NLRC5: variants seen among roughly 807,000 people sequenced by gnomAD.
The protein encoded by NLRC5 is protein NLRC5.
A neutral mutation model predicts 206.9 loss-of-function variants in NLRC5; 114 were observed. The ratio of observed to expected loss-of-function variants is 0.55; its 90% CI spans 0.47 to 0.64. NLRC5 has a LOEUF of 0.64. NLRC5 is among the 30% of genes least tolerant of loss of function. The probability of loss-of-function intolerance (pLI) is 0.00; values close to 1 mark genes in which losing one functional copy is unlikely to be tolerated. For synonymous variants in NLRC5, 952 were observed against 962.8 expected (o/e 0.99, Z 0.21); for missense variants, 2,008 against 2,305.5 (o/e 0.87, Z 2.64).
intron 1 of NLRC5, among the ~76,000 whole-genome samples, chr16:57,010,531 G>A (rs1245210862): frequency 5.3e-5 from 8 of 151,986 alleles, no homozygotes; most frequent in East Asian, 1.9e-4. Flanking sequence ...ACACCACCAC[G>A]CCCAGCTAAT....
At chr16:57,054,948 G>C in intron 25 of NLRC5, 84 bp from the exon 26 acceptor site, 1 of 1,592,630 alleles carries the variant, frequency 6.3e-7, no homozygotes. Context: ...TAGAGGCTGG[G>C]CTTCCGGAGG....
intron 3 of NLRC5, 158 bp downstream of exon 3, chr16:57,021,165 A>C: frequency 1.5e-6 from 1 of 647,814 alleles, no homozygotes; most frequent in Non-Finnish European, 2.6e-6. Context: ...AAATTTCCTA[A>C]TGCGCCCAAA....
chr16:57,053,891 G>A (rs879558545), intron 24 of NLRC5, among the ~76,000 whole-genome samples: 3 of 152,176 alleles, frequency 2.0e-5, no homozygotes, highest in Non-Finnish European at 4.4e-5. Context: ...GGAGATACGA[G>A]TGGAAATGAG....
Position 57,079,603 on chromosome 16 carries a change from G to C in NLRC5, c.5295G>C (p.Thr1765=). ...QTAKLLTSSF[T]SCPALEVILL... is the part of the protein sequence containing the mutation. ...CCAAGCTCCTCACCTCCAGCTTCAC[G>C]AGCTGCCCTGCCCTGGAAGTAATCT... is the stretch of plus-strand genomic sequence containing the variant. The change falls in exon 46 of 49, where the codon ACG becomes ACC. Residue 1765 remains threonine (T), a synonymous_variant. Coordinates refer to ENST00000688547, the MANE Select transcript of NLRC5 (RefSeq NM_001384950.1). The C allele has an allele frequency of 6.2e-7, 1 of 1,613,912 alleles. No homozygotes were observed. The highest frequency in any genetic ancestry group is 1.3e-5 in the African/African-American group (1 of 74,990).
At chr16:57,070,759 A>T in intron 38 of NLRC5, 141 bp downstream of exon 38, 1 of 604,870 alleles carries the variant, frequency 1.7e-6, no homozygotes, top group Non-Finnish European at 3.0e-6. Flanking sequence ...GGGGTGAGTG[A>T]GTGGTGGGAG....
chr16:57,075,005 C>CTTTTTTTTTTTTTTTTTTTTT lies in NLRC5; in HGVS notation c.4751+344_4751+364dup, dbSNP rs77796033. 6.9e-5 allele frequency among the ~76,000 whole-genome samples: 4 copies of CTTTTTTTTTTTTTTTTTTTTT among 58,104 alleles called. 2 individuals are homozygous for CTTTTTTTTTTTTTTTTTTTTT. Among genetic ancestry groups the CTTTTTTTTTTTTTTTTTTTTT allele is most frequent in the Non-Finnish European group, 6.3e-5 (2 of 31,638 alleles). 38.1% of individuals were successfully genotyped at this position (58,104 alleles called of 152,430 possible). A position where few individuals can be genotyped will look rare whatever the true frequency, so the allele number is the denominator to read the frequency against. On this transcript the variant is annotated intron_variant, in intron 39 of 48. Coordinates refer to ENST00000688547, the MANE Select transcript of NLRC5 (RefSeq NM_001384950.1). ...GGTCTGGAATTCTGCCTAGACTGTG[C>CTTTTTTTTTTTTTTTTTTTTT]TTTTTTTTTTTTTTTTTTTTTTTTT...
At chr16:57,075,461 C>T (rs764066895) in intron 39 of NLRC5, among the ~76,000 whole-genome samples, 2 of 152,204 alleles carry the variant, frequency 1.3e-5, no homozygotes, top group African/African-American at 2.4e-5. Flanking sequence ...CTCAGGTGAT[C>T]TGCCCACCTC....
chr16:57,045,620 T>A, intron 21 of NLRC5, 128 bp downstream of exon 21: 1 of 780,860 alleles, frequency 1.3e-6, no homozygotes, highest in Non-Finnish European at 2.2e-6. Flanking sequence ...TCCGGCACAC[T>A]AGGTTTAATC....
chr16:57,069,728 T>G (rs1041363244), intron 36 of NLRC5, 108 bp from the exon 37 acceptor site: 2 of 833,350 alleles, frequency 2.4e-6, no homozygotes, highest in East Asian at 2.7e-5. Flanking sequence ...CTCCTCACAT[T>G]GCCCGCCACA....
chr16:57,023,945 G>A, intron 5 of NLRC5, 92 bp downstream of exon 5: 1 of 1,115,188 alleles, frequency 9.0e-7, no homozygotes, highest in Non-Finnish European at 1.3e-6. Context: ...CTGCCAATAA[G>A]CCTCCAGAGG....
rs867541237 is a variant in NLRC5, at chr16:57,062,441, C to T, written c.4154+740C>T. Reference sequence around the variant, plus strand: ...ATGGTCTTCTGACTCTTCTAACCTGCGGCATCACTGCCCCCATCCCCTCAC... The same window carrying T: ...ATGGTCTTCTGACTCTTCTAACCTGTGGCATCACTGCCCCCATCCCCTCAC... On this transcript the variant is annotated intron_variant, in intron 32 of 48. Coordinates refer to ENST00000688547, the MANE Select transcript of NLRC5 (RefSeq NM_001384950.1). 6.3e-5 allele frequency: 17 copies of T among 268,126 alleles called. 1 individual carries two copies. The Middle Eastern group carries it at 5.2e-3, about 83-fold the overall frequency. 16.6% of individuals were successfully genotyped at this position (268,126 alleles called of 1,614,324 possible).
intron 23 of NLRC5, 41 bp downstream of exon 23, chr16:57,047,669 GAT>G: frequency 6.5e-7 from 1 of 1,543,218 alleles, no homozygotes; most frequent in Non-Finnish European, 8.9e-7. Context: ...ACCATGTGGG[GAT>G]CTGCCCAGTG....
intron 6 of NLRC5, 112 bp downstream of exon 6, chr16:57,027,130 G>A (rs1414567250): frequency 7.8e-7 from 1 of 1,275,034 alleles, no homozygotes; most frequent in Non-Finnish European, 1.1e-6. Context: ...TTGAATATCA[G>A]AACATAATGG....
At position 57,033,652 on chromosome 16, in the gene NLRC5, C is replaced by T; in HGVS notation, c.2526C>T (p.Ser842=). The change falls in exon 12 of 49, where the codon AGC becomes AGT. Residue 842 remains serine, a synonymous_variant. Transcript: ENST00000688547. ...ACGGCCAGAGGAAAGGGGCTCAGAG[C>T]AGAAGCTTGACGCTCAGGTACCTTG... The part of the protein sequence containing the change: ...ESDGQRKGAQ[S]RSLTLRLQKC... 2 of 1,614,038 alleles carry T rather than the reference C, an allele frequency of 1.2e-6. No individual in the cohort carries two copies. Among genetic ancestry groups the T allele is most frequent in the Non-Finnish European group, 1.7e-6 (2 of 1,179,942 alleles).
chr16:57,039,555 C>CT (rs11408235), intron 15 of NLRC5, among the ~76,000 whole-genome samples: 115,738 of 149,490 alleles, frequency 0.77, 44,852 homozygotes, highest in East Asian at 0.94. Context: ...TCTCTACATA[C>CT]TTTTTTTTTT....
At chr16:57,068,606 C>T (rs989686897) in intron 36 of NLRC5, among the ~76,000 whole-genome samples, 1 of 152,082 alleles carries the variant, frequency 6.6e-6, no homozygotes, top group South Asian at 2.1e-4. Flanking sequence ...AACATTTCAG[C>T]GAATTTGCTA....
intron 1 of NLRC5, among the ~76,000 whole-genome samples, chr16:57,008,428 A>G (rs540696016): frequency 4.6e-5 from 7 of 152,304 alleles, no homozygotes; most frequent in Admixed American, 4.6e-4. Flanking sequence ...GGTTTCATCT[A>G]GACTTTATTT....
At chr16:57,081,443 C>A in intron 47 of NLRC5, 84 bp from the exon 48 acceptor site, 1 of 1,323,596 alleles carries the variant, frequency 7.6e-7, no homozygotes, top group Non-Finnish European at 1.1e-6. Flanking sequence ...CTGACCTTGG[C>A]CTGAGGAAGG....
chr16:57,015,529 A>T (rs2059955122), intron 1 of NLRC5, among the ~76,000 whole-genome samples: 1 of 152,058 alleles, frequency 6.6e-6, no homozygotes, highest in Non-Finnish European at 1.5e-5. Flanking sequence ...AGGCAAAAGG[A>T]TCACATGAAC....
Sources: gnomAD v4.1 joint callset for allele counts (sites outside exome capture counted in the v4.1 genomes callset) on GRCh38, gnomAD v4.1.1 for gene constraint, MANE v1.5 for transcripts, NCBI Gene and HGNC (gene_info 2026-07-23, HGNC 2026-07-21) for gene names.